The following FBXO11 variants were observed in gnomAD, a reference collection of about 807,000 sequenced individuals.
FBXO11 encodes F-box only protein 11.
Under a neutral mutation model 117.0 loss-of-function variants are expected in FBXO11, and 13 were observed. That is an observed-to-expected ratio of 0.11 (90% CI 0.07 to 0.18). FBXO11 has a LOEUF of 0.18. Among genes scored for constraint, FBXO11 ranks in the 10% least tolerant of loss-of-function variants. The pLI, the probability that FBXO11 is intolerant of heterozygous loss-of-function variation, is 1.00. For synonymous variants in FBXO11, 490 were observed against 380.5 expected (o/e 1.29, Z -3.35); for missense variants, 767 against 1,164.4 (o/e 0.66, Z 4.97).
At chr2:47,864,611 G>A (rs1460168108) in intron 1 of FBXO11, among the ~76,000 whole-genome samples, 2 of 151,964 alleles carry the variant, frequency 1.3e-5, no homozygotes, top group Non-Finnish European at 2.9e-5. Context: ...AAATAAACAA[G>A]AATCTAGATT....
intron 1 of FBXO11, among the ~76,000 whole-genome samples, chr2:47,888,917 T>C (rs564931391): frequency 1.3e-5 from 2 of 152,376 alleles, no homozygotes; most frequent in South Asian, 4.1e-4. Flanking sequence ...TTGTTCTTGG[T>C]TGAGTACTTA....
intron 4 of FBXO11, 122 bp downstream of exon 4, chr2:47,838,737 A>C: frequency 1.2e-6 from 1 of 802,996 alleles, no homozygotes; most frequent in Non-Finnish European, 1.9e-6. Flanking sequence ...ATTGATAAGC[A>C]TTTTAATTTT....
chr2:47,887,848 T>A (rs1000302168), intron 1 of FBXO11, among the ~76,000 whole-genome samples: 4 of 151,926 alleles, frequency 2.6e-5, no homozygotes, highest in Non-Finnish European at 4.4e-5. Flanking sequence ...ATGACTGAGA[T>A]TCTGTCTCAA....
At chr2:47,851,989 A>ATTTTTT (rs1191001581) in intron 1 of FBXO11, among the ~76,000 whole-genome samples, 6 of 132,846 alleles carry the variant, frequency 4.5e-5, no homozygotes, top group Non-Finnish European at 9.6e-5. Flanking sequence ...CAAGCAACCA[A>ATTTTTT]TTTTTTTTTT....
chr2:47,904,820 T>G (rs1366195796), intron 1 of FBXO11, among the ~76,000 whole-genome samples: 1 of 151,972 alleles, frequency 6.6e-6, no homozygotes, highest in African/African-American at 2.4e-5. Context: ...TTAAAGGTCT[T>G]GATTTAATGG....
intron 1 of FBXO11, among the ~76,000 whole-genome samples, chr2:47,860,942 G>A (rs1421821838): frequency 6.6e-6 from 1 of 150,610 alleles, no homozygotes; most frequent in African/African-American, 2.4e-5. Flanking sequence ...CACCTCCCGG[G>A]TTCAAGTGAT....
intron 1 of FBXO11, among the ~76,000 whole-genome samples, chr2:47,880,907 T>C (rs866762877): frequency 6.6e-6 from 1 of 152,054 alleles, no homozygotes; most frequent in Non-Finnish European, 1.5e-5. Flanking sequence ...GAATCTAAGC[T>C]AAAAATATTT....
intron 1 of FBXO11, among the ~76,000 whole-genome samples, chr2:47,869,878 T>C (rs890948255): frequency 2.0e-5 from 3 of 152,190 alleles, no homozygotes; most frequent in Admixed American, 2.0e-4. Context: ...GGCTTCACCA[T>C]GTTGGCCAGG....
intron 4 of FBXO11, 77 bp downstream of exon 4, chr2:47,838,782 C>A (rs756211003): frequency 6.4e-6 from 9 of 1,412,414 alleles, no homozygotes; most frequent in South Asian, 5.3e-5. Flanking sequence ...CTCACCGCAC[C>A]GACTTTCCTA....
rs587779201 is a variant in FBXO11, at chr2:47,806,935, C to CT, written c.*1182dup. 8 of 1,133,820 alleles carry CT rather than the reference C, an allele frequency of 7.1e-6. No individual in the cohort carries two copies. Among genetic ancestry groups the CT allele is most frequent in the East Asian group, 2.4e-5 (1 of 41,870 alleles). 70.2% of individuals were successfully genotyped at this position (1,133,820 alleles called of 1,614,324 possible). A position where few individuals can be genotyped will look rare whatever the true frequency, so the allele number is the denominator to read the frequency against. ...TCAGACAACATTATGATCTAATAAACTTTATTTTTTAAAAATGACCATTTT... is the reference window on the plus strand; with the variant it reads ...TCAGACAACATTATGATCTAATAAACTTTTATTTTTTAAAAATGACCATTTT... On this transcript the variant is annotated 3_prime_UTR_variant, in exon 23 of 23. Coordinates refer to ENST00000403359, the MANE Select transcript of FBXO11 (RefSeq NM_001190274.2).
In FBXO11 at chr2:47,835,987, A is replaced by C. The variant is rs1672531850; in HGVS notation, c.602T>G (p.Met201Arg). Residue 201 changes from methionine (M) to arginine (R), a missense_variant, in exon 5 of 23, where the codon ATG (methionine) becomes AGG (arginine). Physicochemically the swap from Met to Arg is moderately conservative, Grantham distance 91. Coordinates refer to ENST00000403359, the MANE Select transcript of FBXO11 (RefSeq NM_001190274.2). ...NDPILWKRLY[M>R]EVFEYTRPMM... ...AGGGCGAGTATATTCAAATACTTCC[A>C]TATATAATCGTTTCCTGAACAGAGA... 6 of 1,602,366 alleles carry C rather than the reference A, an allele frequency of 3.7e-6. No individual in the cohort carries two copies. Among genetic ancestry groups the C allele is most frequent in the Non-Finnish European group, 5.1e-6 (6 of 1,174,206 alleles).
At chr2:47,874,828 C>A (rs897868346) in intron 1 of FBXO11, among the ~76,000 whole-genome samples, 8 of 151,526 alleles carry the variant, frequency 5.3e-5, no homozygotes, top group African/African-American at 1.9e-4. Flanking sequence ...TGCCACCATG[C>A]CTGGCCACAT....
chr2:47,867,014 C>G (rs1019179136), intron 1 of FBXO11, among the ~76,000 whole-genome samples: 2 of 152,192 alleles, frequency 1.3e-5, no homozygotes, highest in African/African-American at 4.8e-5. Flanking sequence ...TGATGATACT[C>G]ACAACTTATA....
chr2:47,900,605 T>TACACGTGTGTATAC lies in FBXO11; in HGVS notation c.232+4883_232+4884insGTATACACACGTGT, dbSNP rs1558486258. On this transcript the variant is annotated intron_variant, in intron 1 of 22. Transcript: ENST00000403359. ...ACATATATACGTATATACACACGTA[T>TACACGTGTGTATAC]ACACACGTATATACACACGTATACA... Among the ~76,000 whole-genome samples the TACACGTGTGTATAC allele has an allele frequency of 5.3e-5, 6 of 112,292 alleles. 1 individual carries two copies. The highest frequency in any genetic ancestry group is 1.2e-4 in the Non-Finnish European group (6 of 48,488). 73.7% of individuals were successfully genotyped at this position (112,292 alleles called of 152,430 possible). A position where few individuals can be genotyped will look rare whatever the true frequency, so the allele number is the denominator to read the frequency against.
chr2:47,833,172 G>A (rs1672311094), intron 7 of FBXO11, 102 bp from the exon 8 acceptor site: 8 of 701,976 alleles, frequency 1.1e-5, no homozygotes, highest in Middle Eastern at 3.9e-4. Flanking sequence ...ACTGAGTAGT[G>A]GGACTAATAT....
At chr2:47,898,162 C>T (rs900248005) in intron 1 of FBXO11, among the ~76,000 whole-genome samples, 2 of 152,116 alleles carry the variant, frequency 1.3e-5, no homozygotes, top group Non-Finnish European at 2.9e-5. Context: ...CTATCTTATT[C>T]GGGGTGTTTA....
intron 1 of FBXO11, among the ~76,000 whole-genome samples, chr2:47,855,172 G>A (rs1051956138): frequency 1.3e-5 from 2 of 151,766 alleles, no homozygotes; most frequent in African/African-American, 4.8e-5. Context: ...TTAAAAATTT[G>A]GGGGAAAATG....
intron 11 of FBXO11, among the ~76,000 whole-genome samples, chr2:47,825,978 G>A (rs1424584539): frequency 2.0e-4 from 30 of 152,096 alleles, no homozygotes; most frequent in Non-Finnish European, 1.5e-5. Flanking sequence ...TGACTAAACA[G>A]TATTCAAATG....
Position 47,834,784 on chromosome 2 carries a change from A to T in FBXO11, c.801+4T>A. On this transcript the variant is annotated splice_donor_region_variant and intron_variant, in intron 6 of 22. Coordinates refer to ENST00000403359, the MANE Select transcript of FBXO11 (RefSeq NM_001190274.2). ...TAAGTCATAAAAATAAAAATCAAAC[A>T]TACCAACATATTTTCTCTTCCTTTA... 1 of 1,609,896 alleles carries T rather than the reference A, an allele frequency of 6.2e-7. No individual in the cohort carries two copies. The highest frequency in any genetic ancestry group is 8.5e-7 in the Non-Finnish European group (1 of 1,177,782).
Sources: gnomAD v4.1 joint callset for allele counts (sites outside exome capture counted in the v4.1 genomes callset) on GRCh38, gnomAD v4.1.1 for gene constraint, MANE v1.5 for transcripts, NCBI Gene and HGNC (gene_info 2026-07-23, HGNC 2026-07-21) for gene names.